SSC5D: variants seen among roughly 807,000 people sequenced by gnomAD.
SSC5D encodes the protein scavenger receptor cysteine rich family member with 5 domains, also known as soluble scavenger receptor cysteine-rich domain-containing protein SSC5D.
SSC5D carries 106 observed loss-of-function variants against 104.6 expected under a neutral mutation model. The ratio of observed to expected loss-of-function variants is 1.01; its 90% confidence interval spans 0.87 to 1.19. The LOEUF (loss-of-function observed/expected upper bound fraction) is 1.19, where lower values mean the gene tolerates loss of function less well. Among genes scored for constraint, SSC5D ranks in the 50% most tolerant of loss-of-function variants. SSC5D has a pLI of 0.00. For synonymous variants in SSC5D, 860 were observed against 883.5 expected (o/e 0.97, Z 0.47); for missense variants, 1,993 against 2,153.8 (o/e 0.93, Z 1.48).
chr19:55,518,835 C>T lies in SSC5D; in HGVS notation c.4559C>T (p.Ala1520Val). 6.5e-7 allele frequency: 1 copy of T among 1,550,356 alleles called. No individual in the cohort carries two copies. Among genetic ancestry groups the T allele is most frequent in the Non-Finnish European group, 8.7e-7 (1 of 1,146,998 alleles). ...GAACAGGAGCGGCAGGAGCGCCAAG[C>T]CCTGCTGCTGGGGCTGACGCAGCTG... is the stretch of plus-strand genomic sequence containing the variant. ...VVEQERQERQ[A>V]LLLGLTQLVE... The change falls in exon 14 of 14, where the codon GCC (alanine) becomes GTC (valine). Residue 1520 changes from alanine (A) to valine (V), a missense_variant. By Grantham distance (64) the Ala-to-Val change is moderately conservative (BLOSUM62 0). Coordinates refer to ENST00000389623, the MANE Select transcript of SSC5D (RefSeq NM_001144950.2).
chr19:55,505,582 T>G (rs750992540), intron 12 of SSC5D, among the ~76,000 whole-genome samples: 12 of 151,684 alleles, frequency 7.9e-5, no homozygotes, highest in Non-Finnish European at 1.6e-4. Flanking sequence ...TAGGGGAGAA[T>G]CCATTTCCCT....
In SSC5D at chr19:55,511,891, G is replaced by A. The variant is rs140184450; in HGVS notation, c.2786-1120G>A. 5.3e-5 allele frequency among the ~76,000 whole-genome samples: 8 copies of A among 152,304 alleles called. No individual in the cohort carries two copies. The East Asian group carries it at 1.3e-3, about 26-fold the overall frequency. On this transcript the variant is annotated intron_variant, in intron 12 of 13. Transcript: ENST00000389623. ...CAGGGGAAGTTGGTTTGATGATTCG[G>A]ATAGGCAATGAGTATGGAGTGTTTT...
rs186168704 is a variant in SSC5D at position 55,501,074 on chromosome 19, C to A, written c.2658C>A (p.Asp886Glu). The change falls in exon 12 of 14, where the codon GAC becomes GAA. Residue 886 changes from aspartate to glutamate, a missense_variant. Coordinates refer to ENST00000389623, the MANE Select transcript of SSC5D (RefSeq NM_001144950.2). ...DYDDYPPWTW[D>E]PTSREDLAKG... ...ACGATTATCCCCCCTGGACCTGGGA[C>A]CCCACCTCAAGAGAGGACCTGGCCA... The A allele has an allele frequency of 5.4e-4, 845 of 1,551,846 alleles. No individual in the cohort carries two copies. Among genetic ancestry groups the A allele is most frequent in the Non-Finnish European group, 6.9e-4 (791 of 1,146,998 alleles).
chr19:55,499,694 A>AAATG (rs917200662), intron 9 of SSC5D, 122 bp from the exon 10 acceptor site: 80 of 803,882 alleles, frequency 1.0e-4, no homozygotes, highest in Middle Eastern at 4.8e-4. Context: ...TTGTGACAAT[A>AAATG]AATGAATGAA....
In SSC5D at chr19:55,504,240, G is replaced by A. The variant is rs1297831883; in HGVS notation, c.2785+3039G>A. ...GGCACGTGCCGGGCACAGCGGCTGC[G>A]GAGACAGCGGGTCCGGCCTCGGGAC... On this transcript the variant is annotated intron_variant, in intron 12 of 13. Coordinates refer to ENST00000389623, the MANE Select transcript of SSC5D (RefSeq NM_001144950.2). 15 of 1,525,834 alleles carry A rather than the reference G, an allele frequency of 9.8e-6. No individual in the cohort carries two copies. In the East Asian group the frequency reaches 3.7e-4, roughly 38 times the overall value. The allele number at this position is 1,525,834 out of a possible 1,614,324, so 94.5% of individuals were successfully genotyped here. A position where few individuals can be genotyped will look rare whatever the true frequency, so the allele number is the denominator to read the frequency against.
rs1369613331 is a variant in SSC5D at position 55,503,830 on chromosome 19, T to C, written c.2785+2629T>C. 6.6e-6 allele frequency among the ~76,000 whole-genome samples: 1 copy of C among 151,330 alleles called. No individual in the cohort carries two copies. The highest frequency in any genetic ancestry group is 2.4e-5 in the African/African-American group (1 of 41,010). ...CGTCCTTTCCCGCCTTTTTTTTTTC[T>C]GGCGCTCAGCACGCATGCGCAGGCG... is the stretch of plus-strand genomic sequence containing the variant. On this transcript the variant is annotated intron_variant, in intron 12 of 13. Coordinates refer to ENST00000389623, the MANE Select transcript of SSC5D (RefSeq NM_001144950.2). The surrounding 1 kb of genome is among the most constrained non-coding windows in gnomAD (Gnocchi z 4.0).
rs377664229 is a variant in SSC5D at position 55,501,115 on chromosome 19, C to T, written c.2699C>T (p.Ala900Val). 1.1e-4 allele frequency: 164 copies of T among 1,551,634 alleles called. 1 individual carries two copies. In the African/African-American group the frequency reaches 1.6e-3, roughly 15 times the overall value. ...REDLAKGTTT[A>V]GVPGHTLPWR... ...GACCTGGCCAAGGGGACTACCACAGCGGGGGTACCTGGACACACTCTCCCC... is the reference window on the plus strand; with the variant it reads ...GACCTGGCCAAGGGGACTACCACAGTGGGGGTACCTGGACACACTCTCCCC... The change falls in exon 12 of 14, where the codon GCG (alanine) becomes GTG (valine). Residue 900 changes from alanine (A) to valine (V), a missense_variant. Physicochemically the swap from Ala to Val is moderately conservative, Grantham distance 64. This residue lies in a region of SSC5D where 423 missense variants were observed against 409.2 expected (regional missense o/e 1.03). Transcript: ENST00000389623.
At position 55,519,007 on chromosome 19, in the gene SSC5D, A is replaced by C; in HGVS notation, c.*9A>C. 6.5e-7 allele frequency: 1 copy of C among 1,549,872 alleles called. No individual in the cohort carries two copies. Among genetic ancestry groups the C allele is most frequent in the Non-Finnish European group, 8.7e-7 (1 of 1,146,622 alleles). On this transcript the variant is annotated 3_prime_UTR_variant, in exon 14 of 14. Coordinates refer to ENST00000389623, the MANE Select transcript of SSC5D (RefSeq NM_001144950.2). The stretch of plus-strand genomic sequence containing the variant: ...TGAGGGGAGACGTGTGACCCTCTCC[A>C]GGATTTGAGGGGCTTAAGACACCCC...
intron 13 of SSC5D, among the ~76,000 whole-genome samples, chr19:55,514,598 TAAAA>T (rs34453728): frequency 1.6e-5 from 2 of 124,014 alleles, no homozygotes; most frequent in African/African-American, 5.9e-5. Flanking sequence ...AAGACTCTGT[TAAAA>T]AAAAAAAAAA....
chr19:55,499,736 G>C lies in SSC5D; in HGVS notation c.1706-80G>C, dbSNP rs1040401460. ...ATGAATGGGAACTGGGTGAGTGACT[G>C]GAGAGAAGGAGGGGCCTGGGTAGAT... On this transcript the variant is annotated intron_variant, in intron 9 of 13. Coordinates refer to ENST00000389623, the MANE Select transcript of SSC5D (RefSeq NM_001144950.2). 2.3e-5 allele frequency: 25 copies of C among 1,105,824 alleles called. No homozygotes were observed. The Admixed American group carries it at 6.7e-4, about 30-fold the overall frequency. 68.5% of individuals were successfully genotyped at this position (1,105,824 alleles called of 1,614,324 possible). A position where few individuals can be genotyped will look rare whatever the true frequency, so the allele number is the denominator to read the frequency against.
chr19:55,517,528 G>C lies in SSC5D; in HGVS notation c.3252G>C (p.Pro1084=), dbSNP rs1237324223. 1 of 1,551,216 alleles carries C rather than the reference G, an allele frequency of 6.4e-7. No homozygotes were observed. Among genetic ancestry groups the C allele is most frequent in the Non-Finnish European group, 8.7e-7 (1 of 1,146,968 alleles). The change falls in exon 14 of 14, where the codon CCG becomes CCC. Residue 1084 remains proline (P), a synonymous_variant. Coordinates refer to ENST00000389623, the MANE Select transcript of SSC5D (RefSeq NM_001144950.2). The stretch of plus-strand genomic sequence containing the variant: ...CCAGTGTGGTTCCCGCGTTGACCCC[G>C]GAGCCCTCACCCACGCCCTTACCCA... ...PDSSVVPALT[P]EPSPTPLPTL...
At position 55,490,763 on chromosome 19, in the gene SSC5D, AC is replaced by A; in HGVS notation, c.587-5del. 1 of 1,498,238 alleles carries A rather than the reference AC, an allele frequency of 6.7e-7. No homozygotes were observed. 92.8% of individuals were successfully genotyped at this position (1,498,238 alleles called of 1,614,324 possible). A position where few individuals can be genotyped will look rare whatever the true frequency, so the allele number is the denominator to read the frequency against. ...TGGCCACACCGTCCCCTCCCTGCTC[AC>A]CCCACAGAGCGGCTGCGCCTGGTCT... On this transcript the variant is annotated splice_region_variant and splice_polypyrimidine_tract_variant and intron_variant, in intron 5 of 13. Transcript: ENST00000389623.
chr19:55,505,271 T>C (rs1171689640), intron 12 of SSC5D, among the ~76,000 whole-genome samples: 4 of 151,640 alleles, frequency 2.6e-5, no homozygotes, highest in Non-Finnish European at 5.9e-5. Context: ...CAAGGAAACC[T>C]CACAGGGGAG....
Position 55,500,510 on chromosome 19 carries a change from G to A in SSC5D, c.2323G>A (p.Ala775Thr). Residue 775 changes from alanine to threonine, a missense_variant, in exon 11 of 14, where the codon GCC becomes ACC. Physicochemically the swap from Ala to Thr is moderately conservative, Grantham distance 58. Around this residue, in one of 6 missense-constraint regions of SSC5D, gnomAD observed 70 missense variants for 107.1 expected, o/e 0.65. Transcript: ENST00000389623. The surrounding 1 kb of genome is among the most constrained non-coding windows in gnomAD (Gnocchi z 4.6). ...CGCAGGCCTGTTCCGGGTTCGTCTG[G>A]CCGATGGGCCCAACCGCTGTGCTGG... The part of the protein sequence containing the change: ...GESGLFRVRL[A>T]DGPNRCAGRL... The A allele has an allele frequency of 1.3e-6, 2 of 1,551,596 alleles. No homozygotes were observed. Among genetic ancestry groups the A allele is most frequent in the East Asian group, 2.4e-5 (1 of 40,920 alleles).
chr19:55,493,302 C>T (rs973923729), intron 6 of SSC5D, among the ~76,000 whole-genome samples: 4 of 152,134 alleles, frequency 2.6e-5, no homozygotes, highest in African/African-American at 9.7e-5. Context: ...CTTGGAAATC[C>T]GGCTCTCTAG....
chr19:55,490,082 CACCCAGCGTGCCCTCCTGCCCCCA>C, intron 4 of SSC5D, 87 bp downstream of exon 4: 1 of 626,060 alleles, frequency 1.6e-6, no homozygotes, highest in Non-Finnish European at 2.3e-6. Flanking sequence ...TGCCAACCCC[CACCCAGCGTGCCCTCCTGCCCCCA>C]CCGAGGGGAG....
Position 55,497,880 on chromosome 19 carries a change from G to T in SSC5D, c.1388G>T (p.Gly463Val). 1 of 1,530,556 alleles carries T rather than the reference G, an allele frequency of 6.5e-7. No homozygotes were observed. The highest frequency in any genetic ancestry group is 8.8e-7 in the Non-Finnish European group (1 of 1,132,426). The allele number at this position is 1,530,556 out of a possible 1,614,324, so 94.8% of individuals were successfully genotyped here. A position where few individuals can be genotyped will look rare whatever the true frequency, so the allele number is the denominator to read the frequency against. The part of the protein sequence containing the change: ...TVLWEPGPEA[G>V]SPQLRLVAGP... Reference sequence around the variant, plus strand: ...ATTCTTTGGGTCTCTTCTACCCCAGGGTCCCCCCAGCTGCGCCTGGTGGCT... The same window carrying T: ...ATTCTTTGGGTCTCTTCTACCCCAGTGTCCCCCCAGCTGCGCCTGGTGGCT... The change falls in exon 9 of 14, where the codon GGG (glycine) becomes GTG (valine). Residue 463 changes from glycine (G) to valine (V), a missense_variant and splice_region_variant. This residue lies in a region of SSC5D where 1,101 missense variants were observed against 1,085.0 expected (regional missense o/e 1.01). Transcript: ENST00000389623.
chr19:55,497,779 GGAT>G, intron 8 of SSC5D, 98 bp from the exon 9 acceptor site: 1 of 1,163,482 alleles, frequency 8.6e-7, no homozygotes, highest in Non-Finnish European at 1.2e-6. Context: ...AGGCCTAGAT[GGAT>G]GAGTGGAAAG....
At chr19:55,514,907 C>T (rs927397583) in intron 13 of SSC5D, among the ~76,000 whole-genome samples, 4 of 152,196 alleles carry the variant, frequency 2.6e-5, no homozygotes, top group Non-Finnish European at 5.9e-5. Context: ...AGTGAAGTAA[C>T]TTGGCCGTGG....
Sources: allele counts gnomAD v4.1 joint callset (sites outside exome capture counted in the v4.1 genomes callset), GRCh38; gene constraint gnomAD v4.1.1; regional missense constraint gnomAD v4.1.1; non-coding constraint Gnocchi (gnomAD v3.1); transcripts MANE v1.5; gene names NCBI Gene and HGNC (gene_info 2026-07-23, HGNC 2026-07-21).